GRM5: variants seen among roughly 807,000 people sequenced by gnomAD.
The protein encoded by GRM5 is glutamate metabotropic receptor 5, also known as metabotropic glutamate receptor 5.
In GRM5, 19 loss-of-function variants were observed where a neutral mutation model predicts 83.1. The ratio of observed to expected loss-of-function variants is 0.23; its 90% CI spans 0.16 to 0.34. The LOEUF is 0.34. Among genes scored for constraint, GRM5 ranks in the 10% least tolerant of loss-of-function variants. GRM5 has a pLI of 1.00. For missense variants in GRM5, 1,160 were observed against 1,588.3 expected (o/e 0.73, Z 4.58); for synonymous variants, 675 against 633.6 (o/e 1.07, Z -0.98).
At chr11:88,563,973 AT>A (rs1426652991) in intron 8 of GRM5, among the ~76,000 whole-genome samples, 1 of 152,176 alleles carries the variant, frequency 6.6e-6, no homozygotes, top group East Asian at 1.9e-4. Context: ...GAGGAAAGGA[AT>A]TTTAGTTTGC....
At chr11:88,804,168 C>T (rs1943454847) in intron 3 of GRM5, among the ~76,000 whole-genome samples, 1 of 150,814 alleles carries the variant, frequency 6.6e-6, no homozygotes, top group Admixed American at 6.6e-5. Flanking sequence ...CCATTTGACC[C>T]AGCCATCCCA....
intron 2 of GRM5, among the ~76,000 whole-genome samples, chr11:88,902,950 CAAAAAAAAA>C (rs201996144): frequency 1.3e-4 from 8 of 61,900 alleles, no homozygotes; most frequent in African/African-American, 3.4e-4. Context: ...GACTCCATCT[CAAAAAAAAA>C]AAAAAAAAAA....
intron 9 of GRM5, among the ~76,000 whole-genome samples, chr11:88,514,010 C>T (rs1482401105): frequency 1.3e-5 from 2 of 151,868 alleles, no homozygotes; most frequent in Non-Finnish European, 2.9e-5. Context: ...CTTTTCTTTA[C>T]CCATCTATGG....
At chr11:88,912,227 G>C (rs1246443210) in intron 2 of GRM5, 2 of 186,244 alleles carry the variant, frequency 1.1e-5, no homozygotes, top group Non-Finnish European at 2.5e-5. Flanking sequence ...TTTTAAAAAT[G>C]TACATACTTT....
Position 88,597,220 on chromosome 11 carries a change from A to G in GRM5, c.1527T>C (p.Ser509=). The part of the protein sequence containing the change: ...VWSKKSNIIR[S]VCSEPCEKGQ... ...CTTTCTCACATGGTTCACTGCACAC[A>G]GATCTGATGATGTTGCTTTTCTTGG... Residue 509 remains serine (S), a synonymous_variant, in exon 6 of 10, where the codon TCT becomes TCC. Coordinates refer to ENST00000305447, the MANE Select transcript of GRM5 (RefSeq NM_001143831.3). 1 of 1,608,486 alleles carries G rather than the reference A, an allele frequency of 6.2e-7. No individual in the cohort carries two copies. The highest frequency in any genetic ancestry group is 2.2e-5 in the East Asian group (1 of 44,706).
chr11:88,576,204 C>T (rs141326892), intron 7 of GRM5, among the ~76,000 whole-genome samples: 13 of 152,254 alleles, frequency 8.5e-5, no homozygotes, highest in African/African-American at 3.1e-4. Context: ...GCTAACTTCT[C>T]CTTATTCTTC....
At chr11:88,777,476 A>G (rs1044940708) in intron 3 of GRM5, among the ~76,000 whole-genome samples, 2 of 152,138 alleles carry the variant, frequency 1.3e-5, no homozygotes, top group East Asian at 3.8e-4. Context: ...GCTTTGTTCC[A>G]TTGCTGGCAA....
chr11:88,662,006 A>C (rs1192659724), intron 3 of GRM5, among the ~76,000 whole-genome samples: 1 of 152,174 alleles, frequency 6.6e-6, no homozygotes, highest in Non-Finnish European at 1.5e-5. Flanking sequence ...ATTTCAAAGG[A>C]TTCATAAAAA....
intron 3 of GRM5, among the ~76,000 whole-genome samples, chr11:88,707,022 T>C (rs1275171011): frequency 6.6e-6 from 1 of 152,056 alleles, no homozygotes; most frequent in African/African-American, 2.4e-5. Flanking sequence ...CTGGAAGTGC[T>C]CCAAGGAATG....
chr11:88,895,210 C>T (rs1484195945), intron 2 of GRM5, among the ~76,000 whole-genome samples: 8 of 151,728 alleles, frequency 5.3e-5, no homozygotes, highest in Admixed American at 6.6e-5. Context: ...TTGTAGAATT[C>T]AATTGTTTTG....
intron 3 of GRM5, among the ~76,000 whole-genome samples, chr11:88,731,038 A>G (rs1787631775): frequency 6.6e-6 from 1 of 152,066 alleles, no homozygotes; most frequent in Non-Finnish European, 1.5e-5. Context: ...AAATATTACC[A>G]TTCTGGATAG....
At chr11:88,547,454 G>C (rs1416133944) in intron 8 of GRM5, among the ~76,000 whole-genome samples, 1 of 152,114 alleles carries the variant, frequency 6.6e-6, no homozygotes, top group Non-Finnish European at 1.5e-5. Flanking sequence ...TAGGAGATGG[G>C]AGACTGCCTC....
chr11:88,924,908 T>A, intron 2 of GRM5, among the ~76,000 whole-genome samples: 1 of 151,992 alleles, frequency 6.6e-6, no homozygotes, highest in East Asian at 1.9e-4. Flanking sequence ...TATATGTTTA[T>A]CAAAATATCA....
At chr11:88,993,248 A>G (rs554764171) in intron 2 of GRM5, among the ~76,000 whole-genome samples, 1 of 127,604 alleles carries the variant, frequency 7.8e-6, no homozygotes, top group East Asian at 2.3e-4. Context: ...CCTGGAGGAC[A>G]GAGTGAGACT....
intron 6 of GRM5, 87 bp from the exon 7 acceptor site, chr11:88,590,814 A>T: frequency 2.2e-6 from 2 of 906,878 alleles, no homozygotes; most frequent in South Asian, 3.2e-5. Flanking sequence ...TTTGCAAAGC[A>T]GAAAGGCCTT....
chr11:88,851,786 A>T (rs1160654611), intron 2 of GRM5, among the ~76,000 whole-genome samples: 1 of 152,208 alleles, frequency 6.6e-6, no homozygotes. Context: ...CTTGAATCTC[A>T]GCCAAAAATA....
chr11:88,602,977 A>G (rs1938040161), intron 5 of GRM5, among the ~76,000 whole-genome samples: 1 of 152,196 alleles, frequency 6.6e-6, no homozygotes, highest in Admixed American at 6.5e-5. Context: ...CTTAGAGGCC[A>G]ACTCTGATAA....
intron 4 of GRM5, among the ~76,000 whole-genome samples, chr11:88,608,585 A>T (rs2927494): frequency 3.4e-5 from 5 of 145,484 alleles, no homozygotes; most frequent in African/African-American, 8.0e-5. Context: ...GTGGCGCGAT[A>T]TTGGCTCACT....
intron 8 of GRM5, among the ~76,000 whole-genome samples, chr11:88,539,588 G>T (rs1309009953): frequency 2.6e-5 from 4 of 152,006 alleles, no homozygotes; most frequent in Non-Finnish European, 5.9e-5. Flanking sequence ...CAAAATATTT[G>T]TCCTGTTTCC....
Sources: gnomAD v4.1 joint callset for allele counts (sites outside exome capture counted in the v4.1 genomes callset) on GRCh38, gnomAD v4.1.1 for gene constraint, MANE v1.5 for transcripts, NCBI Gene and HGNC (gene_info 2026-07-23, HGNC 2026-07-21) for gene names.